DNAH14: variants seen among roughly 807,000 people sequenced by gnomAD.
DNAH14 encodes the protein dynein axonemal heavy chain 14, also known as axonemal beta dynein heavy chain 14.
Under a neutral mutation model 520.9 loss-of-function variants are expected in DNAH14, and 478 were observed. The observed-to-expected ratio is 0.92, with a 90% CI of 0.85 to 0.99. The LOEUF (loss-of-function observed/expected upper bound fraction) is 0.99, where lower values mean the gene tolerates loss of function less well. Ranked by LOEUF, DNAH14 falls within the 50% of genes least tolerant of loss-of-function variation. DNAH14 has a pLI of 0.00. For missense variants in DNAH14, 4,831 were observed against 5,234.5 expected, an observed-to-expected ratio of 0.92 and a Z score of 2.38; for synonymous variants, 1,581 against 1,757.2, an observed-to-expected ratio of 0.90 and a Z score of 2.51.
chr1:225,151,328 G>T (rs1559112392), intron 31 of DNAH14, among the ~76,000 whole-genome samples: 1 of 148,028 alleles, frequency 6.8e-6, no homozygotes, highest in East Asian at 2.0e-4. Context: ...TGTGGATATA[G>T]TTGGGGGTGG....
In DNAH14 at chr1:225,364,096, G is replaced by A. The variant is rs181346134; in HGVS notation, c.11988-696G>A. Among the ~76,000 whole-genome samples, 390 of 152,202 alleles carry A rather than the reference G, an allele frequency of 2.6e-3. 1 individual carries two copies. Among genetic ancestry groups the A allele is most frequent in the Admixed American group, 5.0e-3 (77 of 15,288 alleles). On this transcript the variant is annotated intron_variant, in intron 75 of 85. Transcript: ENST00000682510. ...TATGCAGTATTGTAGTAATATCATT[G>A]AAGTAATGTTATCTCATTCTTGGTA...
chr1:224,975,121 G>A lies in DNAH14; in HGVS notation c.830+968G>A, dbSNP rs560960990. On this transcript the variant is annotated intron_variant, in intron 8 of 85. Transcript: ENST00000682510. ...AGCTTTTTGATGTGCTGCTGGATTC[G>A]GTTTGCCAGTATTTTATTGAGGATT... 3.9e-3 allele frequency among the ~76,000 whole-genome samples: 584 copies of A among 151,444 alleles called. 5 individuals carry two copies. Among genetic ancestry groups the A allele is most frequent in the African/African-American group, 0.013 (551 of 41,294 alleles).
intron 27 of DNAH14, among the ~76,000 whole-genome samples, chr1:225,139,211 G>T (rs1429307624): frequency 6.6e-6 from 1 of 152,116 alleles, no homozygotes; most frequent in Non-Finnish European, 1.5e-5. Flanking sequence ...CTTTACAAAG[G>T]TGACAAAATT....
intron 13 of DNAH14, 51 bp from the exon 14 acceptor site, chr1:225,043,693 T>A: frequency 7.7e-7 from 1 of 1,294,716 alleles, no homozygotes; most frequent in Non-Finnish European, 1.1e-6. Flanking sequence ...TTACCTGATA[T>A]AAATATCAAT....
chr1:225,338,955 A>C (rs952873653), intron 68 of DNAH14, among the ~76,000 whole-genome samples: 2 of 151,890 alleles, frequency 1.3e-5, no homozygotes, highest in Non-Finnish European at 2.9e-5. Context: ...TGTCCTCCCC[A>C]CTGTGCAGGG....
At chr1:225,273,212 C>A in intron 52 of DNAH14, 87 bp downstream of exon 52, 1 of 1,362,506 alleles carries the variant, frequency 7.3e-7, no homozygotes. Context: ...GCGGGCAGAT[C>A]ACGAGGTCAG....
chr1:225,141,316 C>T (rs1280488441), intron 28 of DNAH14, among the ~76,000 whole-genome samples: 1 of 151,902 alleles, frequency 6.6e-6, no homozygotes, highest in Non-Finnish European at 1.5e-5. Context: ...GTGTATTTTT[C>T]TACTGTTCTG....
intron 23 of DNAH14, among the ~76,000 whole-genome samples, chr1:225,111,530 T>C (rs2076476735): frequency 6.6e-6 from 1 of 152,084 alleles, no homozygotes; most frequent in African/African-American, 2.4e-5. Context: ...CCTTTATAGG[T>C]GAAGTGTGTT....
intron 21 of DNAH14, among the ~76,000 whole-genome samples, chr1:225,089,473 A>AGG: frequency 6.9e-6 from 1 of 145,382 alleles, no homozygotes; most frequent in Non-Finnish European, 1.5e-5. Flanking sequence ...AAAGAGAGCG[A>AGG]GAGAAAGAAA....
Position 225,022,085 on chromosome 1 carries a change from A to G in DNAH14, c.1108-1530A>G, listed in dbSNP as rs191244280. Among the ~76,000 whole-genome samples, 126 of 152,250 alleles carry G rather than the reference A, an allele frequency of 8.3e-4. 2 individuals are homozygous for G. In the East Asian group the frequency reaches 0.016, roughly 19 times the overall value. On this transcript the variant is annotated intron_variant, in intron 10 of 85. Coordinates refer to ENST00000682510, the MANE Select transcript of DNAH14 (RefSeq NM_001367479.1). ...TGAAACTGGATCCCTTCCTGTCACTATATACAAAAATTAACTCAAGATGGA... is the reference window on the plus strand; with the variant it reads ...TGAAACTGGATCCCTTCCTGTCACTGTATACAAAAATTAACTCAAGATGGA...
chr1:225,212,670 T>G (rs191326927), intron 41 of DNAH14, among the ~76,000 whole-genome samples: 26 of 152,324 alleles, frequency 1.7e-4, no homozygotes, highest in African/African-American at 6.0e-4. Context: ...TGATGAGCAT[T>G]TTTTCATGTG....
At chr1:225,300,792 C>T in intron 55 of DNAH14, 77 bp from the exon 56 acceptor site, 2 of 1,408,684 alleles carry the variant, frequency 1.4e-6, no homozygotes, top group Non-Finnish European at 1.9e-6. Context: ...TGCTTTCTTG[C>T]TTCCTCAAAT....
At chr1:225,129,216 C>T (rs1326281899) in intron 27 of DNAH14, among the ~76,000 whole-genome samples, 1 of 150,348 alleles carries the variant, frequency 6.7e-6, no homozygotes, top group Non-Finnish European at 1.5e-5. Context: ...TAGGAAGAAT[C>T]AATATCATGA....
rs187487970 is a variant in DNAH14, at chr1:225,192,836, A to C, written c.5811A>C (p.Val1937=). The change falls in exon 38 of 86, where the codon GTA becomes GTC. Residue 1937 remains valine, a synonymous_variant. Transcript: ENST00000682510. ...TATCAGCAACAATTCGAAGTTATGT[A>C]TATTTTAACACACCAAAGAACACAA... ...GLLSATIRSY[V]YFNTPKNTKK... The C allele has an allele frequency of 4.5e-4, 695 of 1,550,254 alleles. No individual in the cohort carries two copies. Among genetic ancestry groups the C allele is most frequent in the Non-Finnish European group, 5.7e-4 (654 of 1,146,078 alleles).
At chr1:225,203,179 C>A (rs1049925107) in intron 38 of DNAH14, among the ~76,000 whole-genome samples, 2 of 152,234 alleles carry the variant, frequency 1.3e-5, no homozygotes, top group Non-Finnish European at 2.9e-5. Context: ...CCACATGCTT[C>A]TCTGTCCATC....
chr1:225,152,567 T>C (rs1216404427), intron 32 of DNAH14, 130 bp from the exon 33 acceptor site: 1 of 895,456 alleles, frequency 1.1e-6, no homozygotes, highest in Non-Finnish European at 1.6e-6. Context: ...AAAAACTATC[T>C]TGTAAACTAA....
chr1:225,335,339 A>G (rs1485905664), intron 66 of DNAH14, among the ~76,000 whole-genome samples: 2 of 86,726 alleles, frequency 2.3e-5, no homozygotes, highest in Non-Finnish European at 4.4e-5. Context: ...ACGTGTGTAC[A>G]TGTGTGTGTA....
intron 23 of DNAH14, among the ~76,000 whole-genome samples, chr1:225,113,289 C>G (rs2076619001): frequency 6.6e-6 from 1 of 152,150 alleles, no homozygotes; most frequent in African/African-American, 2.4e-5. Flanking sequence ...TCCAGATTAC[C>G]AAGCAGAGAT....
At chr1:225,194,638 A>G (rs1431112884) in intron 38 of DNAH14, among the ~76,000 whole-genome samples, 1 of 152,198 alleles carries the variant, frequency 6.6e-6, no homozygotes, top group Non-Finnish European at 1.5e-5. Context: ...GAAGACACCA[A>G]AAGCAATTGC....
Sources: allele counts gnomAD v4.1 joint callset (sites outside exome capture counted in the v4.1 genomes callset), GRCh38; gene constraint gnomAD v4.1.1; transcripts MANE v1.5; gene names NCBI Gene and HGNC (gene_info 2026-07-23, HGNC 2026-07-21).